The following LRRTM4 variants were observed in gnomAD, a reference collection of about 807,000 sequenced individuals.
LRRTM4 encodes leucine rich repeat transmembrane neuronal 4.
In LRRTM4, 25 loss-of-function variants were observed where a neutral mutation model predicts 47.6. The ratio of observed to expected loss-of-function variants is 0.53; its 90% CI spans 0.38 to 0.73. The LOEUF (loss-of-function observed/expected upper bound fraction) is 0.73, where lower values mean the gene tolerates loss of function less well. Ranked by LOEUF, LRRTM4 falls within the 30% of genes least tolerant of loss-of-function variation. The pLI is 0.00. For missense variants in LRRTM4, 638 were observed against 713.4 expected (o/e 0.89, Z 1.20); for synonymous variants, 311 against 269.5 (o/e 1.15, Z -1.51).
intron 3 of LRRTM4, among the ~76,000 whole-genome samples, chr2:77,016,711 A>T (rs1272684568): frequency 1.3e-5 from 2 of 152,116 alleles, no homozygotes; most frequent in African/African-American, 4.8e-5. Flanking sequence ...TGATAAATGG[A>T]GGCCTTGAAG....
intron 3 of LRRTM4, among the ~76,000 whole-genome samples, chr2:76,954,922 AAAAACAAAAAC>A (rs1675622129): frequency 6.6e-6 from 1 of 151,732 alleles, no homozygotes; most frequent in Non-Finnish European, 1.5e-5. Context: ...GGGACAAAAC[AAAAACAAAAAC>A]AAAACAAAAA....
At chr2:77,143,536 T>C (rs945538021) in intron 3 of LRRTM4, among the ~76,000 whole-genome samples, 4 of 152,316 alleles carry the variant, frequency 2.6e-5, no homozygotes, top group Middle Eastern at 3.4e-3. Flanking sequence ...TCTGTGCTTA[T>C]GCTAATAAAT....
At chr2:77,465,385 G>C (rs960033092) in intron 3 of LRRTM4, among the ~76,000 whole-genome samples, 1 of 152,118 alleles carries the variant, frequency 6.6e-6, no homozygotes, top group Admixed American at 6.6e-5. Context: ...TTATATGTAT[G>C]GGGTTTTAAT....
chr2:77,032,399 TTA>T (rs1678692065), intron 3 of LRRTM4, among the ~76,000 whole-genome samples: 2 of 152,166 alleles, frequency 1.3e-5, no homozygotes, highest in East Asian at 1.9e-4. Flanking sequence ...CATTGGACTA[TTA>T]TATGTCTATT....
intron 3 of LRRTM4, among the ~76,000 whole-genome samples, chr2:77,371,493 TA>T (rs1672654109): frequency 6.6e-6 from 1 of 151,744 alleles, no homozygotes; most frequent in African/African-American, 2.4e-5. Context: ...CATGACAACC[TA>T]GACACTTGTG....
At chr2:77,060,221 A>G (rs1386760365) in intron 3 of LRRTM4, among the ~76,000 whole-genome samples, 2 of 152,218 alleles carry the variant, frequency 1.3e-5, no homozygotes, top group Middle Eastern at 3.2e-3. Context: ...TATACTTAGA[A>G]AAAAGCCTGT....
intron 3 of LRRTM4, among the ~76,000 whole-genome samples, chr2:77,426,931 C>G (rs1675132841): frequency 6.6e-6 from 1 of 150,976 alleles, no homozygotes; most frequent in African/African-American, 2.4e-5. Flanking sequence ...CTATGGATGG[C>G]TGCCTGTATT....
Position 76,832,836 on chromosome 2 carries a change from A to G in LRRTM4, c.1552-83920T>C, listed in dbSNP as rs150398962. 2.7e-3 allele frequency among the ~76,000 whole-genome samples: 413 copies of G among 152,218 alleles called. 4 individuals are homozygous for G. Among genetic ancestry groups the G allele is most frequent in the Middle Eastern group, 0.01 (3 of 294 alleles). ...AGCTAGATTAGGGTGCAAGGTTTGC[A>G]GAGGAAAGCTGTGGAGGACTAGGAA... On this transcript the variant is annotated intron_variant, in intron 3 of 3. Coordinates refer to ENST00000409884, the MANE Select transcript of LRRTM4 (RefSeq NM_001134745.3).
At chr2:76,924,544 T>C (rs1212967089) in intron 3 of LRRTM4, among the ~76,000 whole-genome samples, 2 of 152,112 alleles carry the variant, frequency 1.3e-5, no homozygotes, top group African/African-American at 4.8e-5. Flanking sequence ...TTCTAAATAC[T>C]GAAGGTGGTA....
chr2:76,974,627 G>C (rs1676356710), intron 3 of LRRTM4, among the ~76,000 whole-genome samples: 1 of 151,384 alleles, frequency 6.6e-6, no homozygotes, highest in Non-Finnish European at 1.5e-5. Context: ...AATAAAAGTG[G>C]AATTTCATAT....
At chr2:77,360,179 C>T (rs773913008) in intron 3 of LRRTM4, among the ~76,000 whole-genome samples, 23 of 152,096 alleles carry the variant, frequency 1.5e-4, no homozygotes, top group South Asian at 1.0e-3. Flanking sequence ...GCTTGTAGGC[C>T]GGGAACAGTG....
intron 3 of LRRTM4, among the ~76,000 whole-genome samples, chr2:77,083,032 A>G (rs10193399): frequency 0.03 from 4,523 of 152,260 alleles, 221 homozygotes; most frequent in African/African-American, 0.1. Context: ...ACTTTTAAAT[A>G]TATCAGTATA....
rs1314102130 is a variant in LRRTM4 at position 77,517,279 on chromosome 2, A to T, written c.1551+1039T>A. ...TTATTCTTATAAAAACAAAAATAAT[A>T]TAACATGGAAGGTACACCTTTATTT... On this transcript the variant is annotated intron_variant, in intron 3 of 3. Transcript: ENST00000409884. 8.1e-6 allele frequency: 8 copies of T among 983,106 alleles called. No individual in the cohort carries two copies. In the East Asian group the frequency reaches 8.0e-4, roughly 98 times the overall value. The allele number at this position is 983,106 out of a possible 1,614,324, so 60.9% of individuals were successfully genotyped here.
At chr2:77,306,895 A>ATTTTTTTTTTTTTTTTT (rs1491512359) in intron 3 of LRRTM4, among the ~76,000 whole-genome samples, 7 of 125,584 alleles carry the variant, frequency 5.6e-5, no homozygotes, top group African/African-American at 2.7e-4. Flanking sequence ...CTGCTTTTCC[A>ATTTTTTTTTTTTTTTTT]TATTTTTTTT....
chr2:76,895,928 G>A (rs1673404092), intron 3 of LRRTM4, among the ~76,000 whole-genome samples: 1 of 151,920 alleles, frequency 6.6e-6, no homozygotes, highest in East Asian at 1.9e-4. Flanking sequence ...GAAGGTGGTG[G>A]AACCTCACTG....
rs545550157 is a variant in LRRTM4, at chr2:76,896,553, A to G, written c.1552-147637T>C. ...AAAGATTCCAAAAATTAAATATGCT[A>G]GAATTGACAAAAGTTTATATGGTTC... On this transcript the variant is annotated intron_variant, in intron 3 of 3. Transcript: ENST00000409884. 1.6e-4 allele frequency among the ~76,000 whole-genome samples: 24 copies of G among 152,174 alleles called. No individual in the cohort carries two copies. The East Asian group carries it at 4.6e-3, about 29-fold the overall frequency.
At chr2:76,817,315 G>C (rs1281413653) in intron 3 of LRRTM4, among the ~76,000 whole-genome samples, 1 of 151,896 alleles carries the variant, frequency 6.6e-6, no homozygotes, top group African/African-American at 2.4e-5. Context: ...ATTTGATTTA[G>C]GTTGTTGCTA....
At chr2:76,860,715 G>C (rs988850997) in intron 3 of LRRTM4, among the ~76,000 whole-genome samples, 1 of 152,016 alleles carries the variant, frequency 6.6e-6, no homozygotes, top group Non-Finnish European at 1.5e-5. Flanking sequence ...ATAAAAGGGA[G>C]ATTTAAATAG....
intron 3 of LRRTM4, among the ~76,000 whole-genome samples, chr2:77,498,960 C>A (rs1019923091): frequency 2.0e-5 from 3 of 151,956 alleles, no homozygotes; most frequent in Middle Eastern, 3.4e-3. Context: ...TTACTCCTTG[C>A]TCGCTACATA....
Sources: gnomAD v4.1 joint callset for allele counts (sites outside exome capture counted in the v4.1 genomes callset) on GRCh38, gnomAD v4.1.1 for gene constraint, MANE v1.5 for transcripts, NCBI Gene and HGNC (gene_info 2026-07-23, HGNC 2026-07-21) for gene names.